The following GNG12 variants were observed in gnomAD, a reference collection of about 807,000 sequenced individuals.
The protein encoded by GNG12 is guanine nucleotide-binding protein G(I)/G(S)/G(O) subunit gamma-12.
For missense variants in GNG12, 69 were observed against 83.8 expected (o/e 0.82, Z 0.69); for synonymous variants, 28 against 29.7 (o/e 0.94, Z 0.19).
intron 2 of GNG12, among the ~76,000 whole-genome samples, chr1:67,775,736 G>A (rs1196374157): frequency 6.6e-6 from 1 of 152,200 alleles, no homozygotes; most frequent in Non-Finnish European, 1.5e-5. Flanking sequence ...AAAAGAGTGA[G>A]CCAAAGAAGG....
chr1:67,754,509 G>A lies in GNG12; in HGVS notation c.-27+22949C>T, dbSNP rs189473689. On this transcript the variant is annotated intron_variant, in intron 2 of 3. Coordinates refer to ENST00000370982, the MANE Select transcript of GNG12 (RefSeq NM_018841.6). ...ATTTTTACCCCACTGCCCCACCCTAGTTGGGAGTATAAGCAGCTGGCCCCT... is the reference window on the plus strand; with the variant it reads ...ATTTTTACCCCACTGCCCCACCCTAATTGGGAGTATAAGCAGCTGGCCCCT... 5.9e-5 allele frequency among the ~76,000 whole-genome samples: 9 copies of A among 152,212 alleles called. No homozygotes were observed. The East Asian group carries it at 1.7e-3, about 29-fold the overall frequency.
intron 2 of GNG12, among the ~76,000 whole-genome samples, chr1:67,735,867 G>T (rs999259499): frequency 6.6e-6 from 1 of 152,064 alleles, no homozygotes; most frequent in African/African-American, 2.4e-5. Context: ...TTTAAAAATA[G>T]TTCAGACAGA....
intron 2 of GNG12, among the ~76,000 whole-genome samples, chr1:67,756,618 G>A (rs968458390): frequency 7.2e-5 from 11 of 152,202 alleles, no homozygotes; most frequent in African/African-American, 2.7e-4. Context: ...GAGCATGAGT[G>A]CACGTGTGTG....
Position 67,705,383 on chromosome 1 carries a change from A to C in GNG12, c.*68T>G. The stretch of plus-strand genomic sequence containing the variant: ...GTGGTTACCAAATAAGCTGAAGGTA[A>C]ATCTCTTCAAGGAGCTGCTCATAAT... On this transcript the variant is annotated 3_prime_UTR_variant, in exon 4 of 4. Coordinates refer to ENST00000370982, the MANE Select transcript of GNG12 (RefSeq NM_018841.6). 6.3e-7 allele frequency: 1 copy of C among 1,578,482 alleles called. No homozygotes were observed. Among genetic ancestry groups the C allele is most frequent in the Non-Finnish European group, 8.6e-7 (1 of 1,164,328 alleles).
At chr1:67,823,113 G>C (rs74081838) in intron 1 of GNG12, among the ~76,000 whole-genome samples, 1,644 of 152,276 alleles carry the variant, frequency 0.011, 35 homozygotes, top group African/African-American at 0.037. Flanking sequence ...AATTCAGACA[G>C]TAAACAACAA....
In GNG12 at chr1:67,750,100, C is replaced by T. The variant is rs570551858; in HGVS notation, c.-27+27358G>A. On this transcript the variant is annotated intron_variant, in intron 2 of 3. Coordinates refer to ENST00000370982, the MANE Select transcript of GNG12 (RefSeq NM_018841.6). The stretch of plus-strand genomic sequence containing the variant: ...CCTATCTTCCTTTAAACAACAAAAA[C>T]GGAGCAGAAAGAGGAAAAAAGCCTG... Among the ~76,000 whole-genome samples, 18 of 152,280 alleles carry T rather than the reference C, an allele frequency of 1.2e-4. No homozygotes were observed. The East Asian group carries it at 2.5e-3, about 21-fold the overall frequency.
At chr1:67,757,735 G>GA (rs1281999837) in intron 2 of GNG12, among the ~76,000 whole-genome samples, 1 of 152,020 alleles carries the variant, frequency 6.6e-6, no homozygotes, top group Non-Finnish European at 1.5e-5. Flanking sequence ...GGTCACAGTG[G>GA]AAAAAAATCT....
At chr1:67,822,545 G>C (rs1181932140) in intron 1 of GNG12, among the ~76,000 whole-genome samples, 2 of 152,162 alleles carry the variant, frequency 1.3e-5, no homozygotes, top group Non-Finnish European at 2.9e-5. Flanking sequence ...AAAACATCCA[G>C]AGAGCTTTAA....
intron 2 of GNG12, among the ~76,000 whole-genome samples, chr1:67,747,829 A>G (rs980380067): frequency 6.6e-6 from 1 of 152,222 alleles, no homozygotes; most frequent in African/African-American, 2.4e-5. Flanking sequence ...ACAAACACCC[A>G]CAAACTGATG....
intron 2 of GNG12, among the ~76,000 whole-genome samples, chr1:67,744,810 T>C (rs1372621711): frequency 6.6e-6 from 1 of 151,824 alleles, no homozygotes. Context: ...GATCCGGCAT[T>C]TGAATCTCTA....
chr1:67,790,762 G>A (rs897969312), intron 1 of GNG12, among the ~76,000 whole-genome samples: 4 of 151,686 alleles, frequency 2.6e-5, no homozygotes, highest in Admixed American at 2.0e-4. Context: ...GGCGTGTGCC[G>A]CCACCACCAC....
At chr1:67,823,399 C>T (rs868125575) in intron 1 of GNG12, among the ~76,000 whole-genome samples, 49 of 152,124 alleles carry the variant, frequency 3.2e-4, no homozygotes, top group Non-Finnish European at 6.3e-4. Flanking sequence ...CCCTACTTTC[C>T]ACTTCTCTTG....
At chr1:67,785,676 A>G (rs990777850) in intron 1 of GNG12, among the ~76,000 whole-genome samples, 2 of 152,322 alleles carry the variant, frequency 1.3e-5, no homozygotes, top group East Asian at 1.9e-4. Context: ...TAAGAGCATT[A>G]AAGTACAGGT....
chr1:67,749,083 C>G (rs530601384), intron 2 of GNG12, among the ~76,000 whole-genome samples: 2 of 152,264 alleles, frequency 1.3e-5, no homozygotes, highest in South Asian at 4.2e-4. Flanking sequence ...TCCATTTCTT[C>G]CTGAATAATG....
intron 2 of GNG12, among the ~76,000 whole-genome samples, chr1:67,749,001 C>T (rs986132291): frequency 2.0e-5 from 3 of 152,004 alleles, no homozygotes; most frequent in Non-Finnish European, 4.4e-5. Flanking sequence ...AAAATCATCT[C>T]TGACTTATTT....
intron 2 of GNG12, among the ~76,000 whole-genome samples, chr1:67,767,446 C>T (rs575233141): frequency 8.5e-5 from 13 of 152,304 alleles, no homozygotes; most frequent in African/African-American, 3.1e-4. Flanking sequence ...GGTCAGCTCT[C>T]CACACCTACC....
chr1:67,756,745 A>AGGG (rs1646571491), intron 2 of GNG12, among the ~76,000 whole-genome samples: 1 of 152,180 alleles, frequency 6.6e-6, no homozygotes, highest in Admixed American at 6.5e-5. Flanking sequence ...ATCTAGTTCA[A>AGGG]GGGGTCATAC....
At chr1:67,728,341 C>T (rs1034602689) in intron 2 of GNG12, among the ~76,000 whole-genome samples, 2 of 152,294 alleles carry the variant, frequency 1.3e-5, no homozygotes, top group African/African-American at 2.4e-5. Flanking sequence ...AGTCACAATG[C>T]ATGGTCTCCC....
intron 2 of GNG12, among the ~76,000 whole-genome samples, chr1:67,760,887 T>C (rs1308390546): frequency 6.6e-6 from 1 of 152,218 alleles, no homozygotes; most frequent in Non-Finnish European, 1.5e-5. Flanking sequence ...AGGACTCTGC[T>C]TCAAGAGTTT....
Sources: allele counts gnomAD v4.1 joint callset (sites outside exome capture counted in the v4.1 genomes callset), GRCh38; gene constraint gnomAD v4.1.1; transcripts MANE v1.5; gene names NCBI Gene and HGNC (gene_info 2026-07-23, HGNC 2026-07-21).